PDE7A: variants seen among roughly 807,000 people sequenced by gnomAD.
PDE7A encodes the protein high affinity 3',5'-cyclic-AMP phosphodiesterase 7A.
PDE7A carries 39 observed loss-of-function variants against 64.3 expected under a neutral mutation model. The observed-to-expected ratio is 0.61, with a 90% CI of 0.47 to 0.79. The LOEUF is 0.79. Among genes scored for constraint, PDE7A ranks in the 30% least tolerant of loss-of-function variants. PDE7A has a pLI of 0.00. For synonymous variants in PDE7A, 203 were observed against 206.8 expected, an observed-to-expected ratio of 0.98 and a Z score of 0.16; for missense variants, 470 against 582.8, an observed-to-expected ratio of 0.81 and a Z score of 1.99.
intron 1 of PDE7A, among the ~76,000 whole-genome samples, chr8:65,833,632 A>G (rs1342491569): frequency 1.3e-5 from 2 of 152,168 alleles, no homozygotes; most frequent in Non-Finnish European, 2.9e-5. Context: ...AAATGAGAGT[A>G]ATACTACTTA....
intron 3 of PDE7A, among the ~76,000 whole-genome samples, chr8:65,748,495 T>C (rs969211522): frequency 1.3e-5 from 2 of 152,050 alleles, no homozygotes; most frequent in Admixed American, 6.6e-5. Flanking sequence ...TAAACCAGAG[T>C]TCCCTGGATT....
intron 1 of PDE7A, among the ~76,000 whole-genome samples, chr8:65,817,166 T>C (rs1382804820): frequency 6.6e-6 from 1 of 152,244 alleles, no homozygotes; most frequent in Non-Finnish European, 1.5e-5. Flanking sequence ...TTTTTAAAAC[T>C]TTTAACTTTG....
chr8:65,747,954 C>CTATTT (rs775977019), intron 3 of PDE7A, 151 bp from the exon 4 acceptor site: 2 of 480,400 alleles, frequency 4.2e-6, no homozygotes, highest in East Asian at 3.3e-5. Flanking sequence ...TACTTTATTT[C>CTATTT]TATTTTATTT....
At chr8:65,823,375 T>C (rs1810587986) in intron 1 of PDE7A, among the ~76,000 whole-genome samples, 2 of 152,214 alleles carry the variant, frequency 1.3e-5, no homozygotes, top group Admixed American at 1.3e-4. Context: ...CAAATTGTCC[T>C]CTTGTATGTT....
intron 3 of PDE7A, among the ~76,000 whole-genome samples, chr8:65,762,742 T>G (rs1808570992): frequency 6.6e-6 from 1 of 152,198 alleles, no homozygotes; most frequent in African/African-American, 2.4e-5. Flanking sequence ...CAGATTTATT[T>G]TTCATGACAG....
In PDE7A at chr8:65,739,484, T is replaced by C. The variant is rs1193560719; in HGVS notation, c.595+18A>G. Reference sequence around the variant, plus strand: ...TAAATGTAAATCTTGTTACTGTTAATGGGTTAGAATCACTTACCTAAAAAT... The same window carrying C: ...TAAATGTAAATCTTGTTACTGTTAACGGGTTAGAATCACTTACCTAAAAAT... On this transcript the variant is annotated intron_variant, in intron 6 of 12. Transcript: ENST00000401827. The C allele has an allele frequency of 6.5e-7, 1 of 1,536,742 alleles. No individual in the cohort carries two copies. The highest frequency in any genetic ancestry group is 8.7e-7 in the Non-Finnish European group (1 of 1,150,322).
intron 1 of PDE7A, among the ~76,000 whole-genome samples, chr8:65,838,118 A>G (rs1032007355): frequency 2.0e-5 from 3 of 152,228 alleles, no homozygotes; most frequent in Non-Finnish European, 2.9e-5. Context: ...TCTAACCCAT[A>G]TAAGATTTGC....
At chr8:65,781,546 G>C (rs1361306272) in intron 2 of PDE7A, among the ~76,000 whole-genome samples, 1 of 152,180 alleles carries the variant, frequency 6.6e-6, no homozygotes, top group African/African-American at 2.4e-5. Flanking sequence ...GGTGTGGTGA[G>C]ATTTGGGTGT....
intron 1 of PDE7A, among the ~76,000 whole-genome samples, chr8:65,815,092 AAATT>A (rs1810365283): frequency 6.6e-6 from 1 of 152,160 alleles, no homozygotes; most frequent in South Asian, 2.1e-4. Context: ...AAAAAAAAAA[AAATT>A]AATTTTGCCA....
Position 65,782,806 on chromosome 8 carries a change from G to A in PDE7A, c.176C>T (p.Thr59Ile). ...ACCTAGCATACGAATGTATAATGCA[G>A]TCTGATCAGAACTGTCATAGGAAAT... ...GAISYDSSDQ[T>I]ALYIRMLGDV... The change falls in exon 2 of 13, where the codon ACT becomes ATT. Residue 59 changes from threonine (T) to isoleucine (I), a missense_variant. By Grantham distance (89) the Thr-to-Ile change is moderately conservative. Transcript: ENST00000401827. 3 of 1,590,388 alleles carry A rather than the reference G, an allele frequency of 1.9e-6. No homozygotes were observed. The highest frequency in any genetic ancestry group is 2.6e-6 in the Non-Finnish European group (3 of 1,159,916).
intron 1 of PDE7A, among the ~76,000 whole-genome samples, chr8:65,788,162 G>C (rs1809610510): frequency 1.3e-5 from 2 of 151,838 alleles, no homozygotes; most frequent in Admixed American, 1.3e-4. Flanking sequence ...TCTCAATCTA[G>C]AAAGAAAAAA....
chr8:65,778,416 G>A (rs1030879039), intron 3 of PDE7A, among the ~76,000 whole-genome samples: 3 of 152,086 alleles, frequency 2.0e-5, no homozygotes, highest in Admixed American at 2.0e-4. Flanking sequence ...ACATGAGATG[G>A]ACCAAGGCCC....
At chr8:65,749,664 T>C (rs1022570368) in intron 3 of PDE7A, among the ~76,000 whole-genome samples, 1 of 152,220 alleles carries the variant, frequency 6.6e-6, no homozygotes, top group African/African-American at 2.4e-5. Context: ...CTTCAAAAGA[T>C]AAATAGTATG....
chr8:65,773,388 T>A (rs1331751336), intron 3 of PDE7A, among the ~76,000 whole-genome samples: 4 of 152,246 alleles, frequency 2.6e-5, no homozygotes, highest in Non-Finnish European at 5.9e-5. Context: ...AACTACAACT[T>A]ACACATTTGT....
rs7001147 is a variant in PDE7A, at chr8:65,799,894, T to G, written c.139-17051A>C. Among the ~76,000 whole-genome samples the G allele has an allele frequency of 5.9e-3, 894 of 152,304 alleles. 9 individuals carry two copies. Among genetic ancestry groups the G allele is most frequent in the African/African-American group, 0.02 (845 of 41,570 alleles). On this transcript the variant is annotated intron_variant, in intron 1 of 12. Transcript: ENST00000401827. ...ACAATTGGTAACTATTCAAACTAAA[T>G]AGCAGCCCCTGAAGATAGCTGTTTT... is the stretch of plus-strand genomic sequence containing the variant.
In PDE7A at chr8:65,782,799, TAATGC is replaced by T; in HGVS notation, c.178_182del (p.Ala60IlefsTer17). The T allele has an allele frequency of 3.2e-6, 5 of 1,586,898 alleles. No individual in the cohort carries two copies. The highest frequency in any genetic ancestry group is 4.3e-6 in the Non-Finnish European group (5 of 1,157,152). ...AATGCTTACCTAGCATACGAATGTA[TAATGC>T]AGTCTGATCAGAACTGTCATAGGAA... is the stretch of plus-strand genomic sequence containing the variant. On this transcript the variant is annotated frameshift_variant, in exon 2 of 13. Transcript: ENST00000401827. LOFTEE classifies it high-confidence loss of function.
intron 3 of PDE7A, among the ~76,000 whole-genome samples, chr8:65,771,859 A>T (rs1447351682): frequency 7.0e-6 from 1 of 142,594 alleles, no homozygotes; most frequent in Non-Finnish European, 1.5e-5. Context: ...TGGGCAACAG[A>T]TCGAGACTCC....
rs759919804 is a variant in PDE7A, at chr8:65,741,030, G to C, written c.500-1433C>G. On this transcript the variant is annotated intron_variant, in intron 5 of 12. Transcript: ENST00000401827. The stretch of plus-strand genomic sequence containing the variant: ...AACAAGTGGAGTCACACCAAGAATA[G>C]AAATTAAATTTGGAAAAACTACCAT... Among the ~76,000 whole-genome samples the C allele has an allele frequency of 2.6e-5, 4 of 152,252 alleles. 1 individual carries two copies. The South Asian group carries it at 8.3e-4, about 32-fold the overall frequency.
intron 3 of PDE7A, among the ~76,000 whole-genome samples, chr8:65,751,680 C>T (rs544824381): frequency 9.2e-5 from 14 of 152,102 alleles, no homozygotes; most frequent in African/African-American, 3.1e-4. Flanking sequence ...TTAGTAGAGA[C>T]GGGGTTTCTC....
Sources: gnomAD v4.1 joint callset for allele counts (sites outside exome capture counted in the v4.1 genomes callset) on GRCh38, gnomAD v4.1.1 for gene constraint, MANE v1.5 for transcripts, NCBI Gene and HGNC (gene_info 2026-07-23, HGNC 2026-07-21) for gene names.